CYP7B1: variants seen among roughly 807,000 people sequenced by gnomAD.
The protein encoded by CYP7B1 is cytochrome P450 family 7 subfamily B member 1.
Under a neutral mutation model 42.7 loss-of-function variants are expected in CYP7B1, and 29 were observed. That is an observed-to-expected ratio of 0.68 (90% CI 0.51 to 0.93). The LOEUF (loss-of-function observed/expected upper bound fraction) is 0.93, where lower values mean the gene tolerates loss of function less well. Ranked by LOEUF, CYP7B1 falls within the 40% of genes least tolerant of loss-of-function variation. The probability of loss-of-function intolerance (pLI) is 0.00; values close to 1 mark genes in which losing one functional copy is unlikely to be tolerated. For missense variants in CYP7B1, 655 were observed against 600.5 expected, an observed-to-expected ratio of 1.09 and a Z score of -0.95; for synonymous variants, 235 against 218.2, an observed-to-expected ratio of 1.08 and a Z score of -0.68.
At chr8:64,604,600 G>T (rs1805247738) in intron 5 of CYP7B1, 82 bp downstream of exon 5, 2 of 1,539,134 alleles carry the variant, frequency 1.3e-6, no homozygotes, top group Non-Finnish European at 1.8e-6. Flanking sequence ...GACCAAAGTG[G>T]CAAGAGGAAG....
At chr8:64,647,954 T>C (rs1325205295) in intron 1 of CYP7B1, among the ~76,000 whole-genome samples, 1 of 152,196 alleles carries the variant, frequency 6.6e-6, no homozygotes, top group Non-Finnish European at 1.5e-5. Flanking sequence ...AAAAGAAGGA[T>C]GGCTACTCTT....
intron 1 of CYP7B1, among the ~76,000 whole-genome samples, chr8:64,751,243 T>C (rs1807720918): frequency 1.3e-5 from 2 of 152,204 alleles, no homozygotes; most frequent in South Asian, 4.1e-4. Context: ...TAACCACTGC[T>C]AGTATTTAGG....
At chr8:64,635,186 G>A (rs1805752502) in intron 1 of CYP7B1, among the ~76,000 whole-genome samples, 1 of 152,208 alleles carries the variant, frequency 6.6e-6, no homozygotes, top group Non-Finnish European at 1.5e-5. Context: ...GCAAGAATCA[G>A]ACTGATGTAA....
downstream of CYP7B1, chr8:64,589,936 A>G (rs958411068): frequency 1.3e-5 from 2 of 152,216 alleles, no homozygotes; most frequent in Non-Finnish European, 2.9e-5. Flanking sequence ...TTATAAAAGT[A>G]ATCAACAGTA....
At chr8:64,775,143 T>C (rs1804302659) in intron 1 of CYP7B1, among the ~76,000 whole-genome samples, 1 of 150,364 alleles carries the variant, frequency 6.7e-6, no homozygotes, top group African/African-American at 2.5e-5. Flanking sequence ...CCTTAGTAAA[T>C]AAATTCCATA....
At chr8:64,697,871 A>C (rs1215108303) in intron 1 of CYP7B1, among the ~76,000 whole-genome samples, 1 of 152,234 alleles carries the variant, frequency 6.6e-6, no homozygotes, top group Non-Finnish European at 1.5e-5. Flanking sequence ...AACCAAAAAC[A>C]AAACCAGTTT....
In CYP7B1 at chr8:64,746,037, T is replaced by C. The variant is rs1044118055; in HGVS notation, c.122+52429A>G. On this transcript the variant is annotated intron_variant, in intron 1 of 5. Transcript: ENST00000310193. The stretch of plus-strand genomic sequence containing the variant: ...TTTTAATCTATTTGATATTAAAGGA[T>C]AATTTTTTCCACTAAAAATTTTAAA... 2.6e-5 allele frequency among the ~76,000 whole-genome samples: 4 copies of C among 152,072 alleles called. No individual in the cohort carries two copies. In the South Asian group the frequency reaches 6.2e-4, roughly 24 times the overall value.
At chr8:64,670,007 A>C (rs1457202173) in intron 1 of CYP7B1, among the ~76,000 whole-genome samples, 2 of 152,220 alleles carry the variant, frequency 1.3e-5, no homozygotes, top group African/African-American at 2.4e-5. Flanking sequence ...GTGTGTAAGC[A>C]GTGTTTCAGG....
chr8:64,718,479 G>A (rs1422217647), intron 1 of CYP7B1, among the ~76,000 whole-genome samples: 1 of 152,102 alleles, frequency 6.6e-6, no homozygotes, highest in East Asian at 1.9e-4. Flanking sequence ...GCACCCAAGG[G>A]GACATGCTGC....
intron 1 of CYP7B1, among the ~76,000 whole-genome samples, chr8:64,785,462 T>A (rs1804507863): frequency 6.6e-6 from 1 of 152,250 alleles, no homozygotes; most frequent in Non-Finnish European, 1.5e-5. Context: ...CATCAAAATG[T>A]CTTTCATGTC....
chr8:64,707,238 G>A (rs1483026013), intron 1 of CYP7B1, among the ~76,000 whole-genome samples: 1 of 152,022 alleles, frequency 6.6e-6, no homozygotes, highest in Non-Finnish European at 1.5e-5. Context: ...GAATATTGGA[G>A]ACAATGTCAT....
At chr8:64,744,531 T>C (rs903151015) in intron 1 of CYP7B1, among the ~76,000 whole-genome samples, 2 of 152,168 alleles carry the variant, frequency 1.3e-5, no homozygotes, top group Non-Finnish European at 2.9e-5. Context: ...GAAATAATTA[T>C]TTAAGCAATG....
At chr8:64,664,644 T>G (rs959153003) in intron 1 of CYP7B1, among the ~76,000 whole-genome samples, 3 of 152,202 alleles carry the variant, frequency 2.0e-5, no homozygotes, top group Admixed American at 6.5e-5. Flanking sequence ...TGGGATTCTG[T>G]TAAGCAGATG....
chr8:64,624,637 C>T (rs1007651962), intron 1 of CYP7B1, 98 bp from the exon 2 acceptor site: 7 of 1,363,900 alleles, frequency 5.1e-6, no homozygotes, highest in Admixed American at 1.9e-5. Context: ...AAGGTGACTG[C>T]ATGGATTGCA....
chr8:64,781,476 A>G (rs1014456226), intron 1 of CYP7B1, among the ~76,000 whole-genome samples: 6 of 152,128 alleles, frequency 3.9e-5, no homozygotes, highest in African/African-American at 1.4e-4. Context: ...TGGAGGCTCC[A>G]GGGAAAAATC....
At chr8:64,648,461 C>CACAATGCATTTTGTGAAATGGTATA (rs1805987829) in intron 1 of CYP7B1, among the ~76,000 whole-genome samples, 1 of 152,194 alleles carries the variant, frequency 6.6e-6, no homozygotes, top group African/African-American at 2.4e-5. Context: ...AATGCAGTTT[C>CACAATGCATTTTGTGAAATGGTATA]CACAATGGTT....
At chr8:64,737,294 A>G (rs1185318854) in intron 1 of CYP7B1, among the ~76,000 whole-genome samples, 1 of 152,176 alleles carries the variant, frequency 6.6e-6, no homozygotes, top group African/African-American at 2.4e-5. Context: ...CCTCAATATA[A>G]AGAAAAAATG....
In CYP7B1 at chr8:64,767,609, G is replaced by T. The variant is rs185512872; in HGVS notation, c.122+30857C>A. 5.3e-4 allele frequency among the ~76,000 whole-genome samples: 81 copies of T among 152,294 alleles called. No homozygotes were observed. The East Asian group carries it at 0.013, about 24-fold the overall frequency. On this transcript the variant is annotated intron_variant, in intron 1 of 5. Transcript: ENST00000310193. Reference sequence around the variant, plus strand: ...TCACCAAACGTTTCACTTAGGCATTGATAGCACCCATCAGATGGCCAAATC... The same window carrying T: ...TCACCAAACGTTTCACTTAGGCATTTATAGCACCCATCAGATGGCCAAATC...
intron 1 of CYP7B1, among the ~76,000 whole-genome samples, chr8:64,643,182 C>CGT (rs1563374406): frequency 2.4e-4 from 34 of 139,348 alleles, no homozygotes; most frequent in South Asian, 1.2e-3. Flanking sequence ...CATATATATA[C>CGT]ATATATATAT....
Sources: allele counts gnomAD v4.1 joint callset (sites outside exome capture counted in the v4.1 genomes callset), GRCh38; gene constraint gnomAD v4.1.1; transcripts MANE v1.5; gene names NCBI Gene and HGNC (gene_info 2026-07-23, HGNC 2026-07-21).